Variants in GRM5 observed in about 807,000 individuals in gnomAD.
GRM5 encodes the protein glutamate metabotropic receptor 5.
In GRM5, 19 loss-of-function variants were observed where a neutral mutation model predicts 83.1. That is an observed-to-expected ratio of 0.23 (90% confidence interval 0.16 to 0.34). The LOEUF (loss-of-function observed/expected upper bound fraction) is 0.34. GRM5 is among the 10% of genes least tolerant of loss of function. The probability of loss-of-function intolerance (pLI) is 1.00; values close to 1 mark genes in which losing one functional copy is unlikely to be tolerated. For synonymous variants in GRM5, 675 were observed against 633.6 expected, an observed-to-expected ratio of 1.07 and a Z score of -0.98; for missense variants, 1,160 against 1,588.3, an observed-to-expected ratio of 0.73 and a Z score of 4.58.
chr11:88,774,586 T>C (rs544940867), intron 3 of GRM5, among the ~76,000 whole-genome samples: 1 of 152,078 alleles, frequency 6.6e-6, no homozygotes, highest in East Asian at 1.9e-4. Context: ...GGCTGTGGGT[T>C]TGTCATAAAT....
At chr11:88,909,040 G>C (rs1037245860) in intron 2 of GRM5, among the ~76,000 whole-genome samples, 1 of 152,116 alleles carries the variant, frequency 6.6e-6, no homozygotes, top group Admixed American at 6.6e-5. Context: ...TCTTGGAGAC[G>C]TTGAGTCCAA....
intron 4 of GRM5, among the ~76,000 whole-genome samples, chr11:88,606,590 G>A (rs1475790914): frequency 6.6e-6 from 1 of 152,202 alleles, no homozygotes; most frequent in African/African-American, 2.4e-5. Flanking sequence ...ATCCATTGAA[G>A]TGTTGAGGCT....
intron 3 of GRM5, among the ~76,000 whole-genome samples, chr11:88,725,321 G>T (rs1941650899): frequency 6.6e-6 from 1 of 152,156 alleles, no homozygotes; most frequent in Non-Finnish European, 1.5e-5. Context: ...GCTGTAGCCA[G>T]ACTGCCTCTC....
chr11:88,959,833 G>C (rs1255272524), intron 2 of GRM5, among the ~76,000 whole-genome samples: 1 of 152,200 alleles, frequency 6.6e-6, no homozygotes, highest in African/African-American at 2.4e-5. Context: ...TCTATGTTTA[G>C]ATGAGATGGA....
intron 3 of GRM5, among the ~76,000 whole-genome samples, chr11:88,703,828 C>G (rs1846442): frequency 0.79 from 120,155 of 152,036 alleles, 51,072 homozygotes; most frequent in Non-Finnish European, 0.96. Flanking sequence ...TGACAATATG[C>G]TAAGGTCCTA....
intron 8 of GRM5, among the ~76,000 whole-genome samples, chr11:88,566,722 T>G (rs1942884603): frequency 6.6e-6 from 1 of 152,124 alleles, no homozygotes; most frequent in Non-Finnish European, 1.5e-5. Flanking sequence ...TAACCCACAG[T>G]ATAACTCTGT....
chr11:89,032,617 C>T (rs566866057), intron 2 of GRM5, among the ~76,000 whole-genome samples: 9 of 152,106 alleles, frequency 5.9e-5, no homozygotes, highest in East Asian at 1.9e-4. Context: ...CCAAGTATTA[C>T]GCTAAATTAA....
chr11:88,787,828 G>GAAAAAGGGATA (rs779700153), intron 3 of GRM5, among the ~76,000 whole-genome samples: 1 of 152,044 alleles, frequency 6.6e-6, no homozygotes, highest in Admixed American at 6.6e-5. Context: ...AATGAATGGG[G>GAAAAAGGGATA]AAAAAGGGAT....
rs11020361 is a variant in GRM5 at position 88,548,820 on chromosome 11, A to G, written c.2630+18233T>C. On this transcript the variant is annotated intron_variant, in intron 8 of 9. Transcript: ENST00000305447. ...ATTGAGTGTTGATTCACATTAAGGG[A>G]GGAGCTAAGACTTCACCAGAGACTA... is the stretch of plus-strand genomic sequence containing the variant. Among the ~76,000 whole-genome samples, 3 of 152,288 alleles carry G rather than the reference A, an allele frequency of 2.0e-5. No individual in the cohort carries two copies. In the East Asian group the frequency reaches 5.8e-4, roughly 29 times the overall value.
chr11:88,826,087 A>C (rs1267462028), intron 3 of GRM5, among the ~76,000 whole-genome samples: 3 of 152,194 alleles, frequency 2.0e-5, no homozygotes, highest in Non-Finnish European at 4.4e-5. Flanking sequence ...ATATCCTTAA[A>C]GGTATATGAA....
At chr11:88,637,935 G>A (rs1353213429) in intron 4 of GRM5, among the ~76,000 whole-genome samples, 1 of 151,466 alleles carries the variant, frequency 6.6e-6, no homozygotes, top group Non-Finnish European at 1.5e-5. Flanking sequence ...ACTGGATTAA[G>A]AAAATGTGGC....
chr11:88,949,133 C>T (rs946429146), intron 2 of GRM5, among the ~76,000 whole-genome samples: 1 of 152,190 alleles, frequency 6.6e-6, no homozygotes, highest in African/African-American at 2.4e-5. Flanking sequence ...TTTCTGACCA[C>T]TAAGAGTAGG....
At chr11:88,619,250 A>C (rs2135253909) in intron 4 of GRM5, among the ~76,000 whole-genome samples, 1 of 152,354 alleles carries the variant, frequency 6.6e-6, no homozygotes, top group Non-Finnish European at 1.5e-5. Context: ...AATGTCTGAG[A>C]TGCAAGAGAT....
At chr11:88,538,105 A>G (rs1942178232) in intron 8 of GRM5, among the ~76,000 whole-genome samples, 1 of 151,788 alleles carries the variant, frequency 6.6e-6, no homozygotes, top group South Asian at 2.1e-4. Flanking sequence ...ACAGAAAAAA[A>G]AAAAAACCTC....
chr11:88,794,927 G>T (rs1943247921), intron 3 of GRM5, among the ~76,000 whole-genome samples: 1 of 152,216 alleles, frequency 6.6e-6, no homozygotes, highest in South Asian at 2.1e-4. Context: ...GTAAAGCCCA[G>T]AGATCTCTGA....
chr11:88,729,623 G>T (rs1346970077), intron 3 of GRM5, among the ~76,000 whole-genome samples: 1 of 151,984 alleles, frequency 6.6e-6, no homozygotes, highest in Non-Finnish European at 1.5e-5. Flanking sequence ...CTGACTACAA[G>T]CTATACTACA....
At chr11:88,761,493 C>G (rs1942513745) in intron 3 of GRM5, among the ~76,000 whole-genome samples, 2 of 151,836 alleles carry the variant, frequency 1.3e-5, no homozygotes, top group Admixed American at 1.3e-4. Flanking sequence ...TACAGCTAAC[C>G]AGGAATGTGA....
chr11:89,038,993 C>T lies in GRM5; in HGVS notation c.661+8219G>A, dbSNP rs568126041. Among the ~76,000 whole-genome samples, 10 of 152,150 alleles carry T rather than the reference C, an allele frequency of 6.6e-5. 1 individual carries two copies. In the South Asian group the frequency reaches 1.7e-3, roughly 25 times the overall value. On this transcript the variant is annotated intron_variant, in intron 2 of 9. Transcript: ENST00000305447. ...AAAATATAGTATATATGGTCAGGCG[C>T]GGTGGCTCACGTCTGTGATCCCAGC...
intron 3 of GRM5, among the ~76,000 whole-genome samples, chr11:88,831,643 A>T (rs901890603): frequency 6.6e-6 from 1 of 152,038 alleles, no homozygotes; most frequent in African/African-American, 2.4e-5. Flanking sequence ...ACCACCTCTC[A>T]TGGTGCTGAG....
Sources: allele counts gnomAD v4.1 joint callset (sites outside exome capture counted in the v4.1 genomes callset), GRCh38; gene constraint gnomAD v4.1.1; transcripts MANE v1.5; gene names NCBI Gene and HGNC (gene_info 2026-07-23, HGNC 2026-07-21).